SMOC2: variants seen among roughly 807,000 people sequenced by gnomAD.
SMOC2 encodes the protein SPARC-related modular calcium-binding protein 2.
Under a neutral mutation model 61.4 loss-of-function variants are expected in SMOC2, and 39 were observed. The observed-to-expected ratio is 0.64, with a 90% CI of 0.49 to 0.83. The LOEUF is 0.83. Among genes scored for constraint, SMOC2 ranks in the 40% least tolerant of loss-of-function variants. SMOC2 has a pLI of 0.00. For missense variants in SMOC2, 556 were observed against 592.9 expected, an observed-to-expected ratio of 0.94 and a Z score of 0.65; for synonymous variants, 247 against 239.9, an observed-to-expected ratio of 1.03 and a Z score of -0.27.
chr6:168,662,001 C>T (rs1787520560), intron 11 of SMOC2, among the ~76,000 whole-genome samples: 1 of 152,218 alleles, frequency 6.6e-6, no homozygotes, highest in Admixed American at 6.5e-5. Context: ...TTTTCATACT[C>T]TGTTTCTATT....
intron 2 of SMOC2, among the ~76,000 whole-genome samples, chr6:168,518,799 TTGTG>T (rs375350594): frequency 1.8e-4 from 27 of 147,178 alleles, no homozygotes; most frequent in Middle Eastern, 7.4e-3. Context: ...ATGTATGTGC[TTGTG>T]TGTGAATGCA....
intron 1 of SMOC2, among the ~76,000 whole-genome samples, chr6:168,489,499 T>C (rs1350071933): frequency 6.6e-6 from 1 of 151,570 alleles, no homozygotes; most frequent in East Asian, 2.0e-4. Context: ...GAATGAAATA[T>C]ATCAAATCGT....
chr6:168,624,570 A>G (rs1191931863), intron 9 of SMOC2, among the ~76,000 whole-genome samples: 1 of 136,098 alleles, frequency 7.3e-6, no homozygotes, highest in Non-Finnish European at 1.6e-5. Context: ...TGACATACAG[A>G]AACACACACA....
chr6:168,463,878 T>C (rs1781767422), intron 1 of SMOC2, among the ~76,000 whole-genome samples: 1 of 152,088 alleles, frequency 6.6e-6, no homozygotes, highest in African/African-American at 2.4e-5. Flanking sequence ...TTCTCCCTTA[T>C]ATCACATTTT....
intron 7 of SMOC2, among the ~76,000 whole-genome samples, chr6:168,586,139 C>G (rs950373266): frequency 1.3e-5 from 2 of 152,092 alleles, no homozygotes. Flanking sequence ...GTTTAGATCT[C>G]TAATTTATCT....
At chr6:168,613,385 CT>C (rs1266320250) in intron 9 of SMOC2, among the ~76,000 whole-genome samples, 2 of 152,134 alleles carry the variant, frequency 1.3e-5, no homozygotes, top group Non-Finnish European at 2.9e-5. Context: ...TGAGGAGCCC[CT>C]TGGGGAGCCT....
rs191039248 is a variant in SMOC2, at chr6:168,497,708, A to C, written c.85-12207A>C. 2.4e-4 allele frequency among the ~76,000 whole-genome samples: 36 copies of C among 152,328 alleles called. No individual in the cohort carries two copies. In the East Asian group the frequency reaches 6.6e-3, roughly 28 times the overall value. On this transcript the variant is annotated intron_variant, in intron 1 of 12. Transcript: ENST00000356284. ...ACCTGGCTCAGATGAAGTGAGAGACAAACTCGGTTTTCGGGTTATTCAATC... is the reference window on the plus strand; with the variant it reads ...ACCTGGCTCAGATGAAGTGAGAGACCAACTCGGTTTTCGGGTTATTCAATC...
At chr6:168,642,552 G>A (rs6907182) in intron 9 of SMOC2, among the ~76,000 whole-genome samples, 125 of 152,300 alleles carry the variant, frequency 8.2e-4, no homozygotes, top group African/African-American at 3.0e-3. Flanking sequence ...GTTAAAGCGC[G>A]TACCTGTCGT....
chr6:168,527,844 T>A, intron 4 of SMOC2, 117 bp downstream of exon 4: 1 of 728,760 alleles, frequency 1.4e-6, no homozygotes, highest in Non-Finnish European at 2.4e-6. Context: ...TTGGCCGGCA[T>A]TGTGAGCCAC....
intron 9 of SMOC2, among the ~76,000 whole-genome samples, chr6:168,613,724 C>T (rs879124649): frequency 1.3e-3 from 156 of 119,862 alleles, no homozygotes; most frequent in South Asian, 2.6e-3. Flanking sequence ...GGCCTCTTCA[C>T]ACCTACAGCC....
chr6:168,549,072 G>A, intron 6 of SMOC2, 57 bp from the exon 7 acceptor site: 1 of 1,422,894 alleles, frequency 7.0e-7, no homozygotes, highest in Non-Finnish European at 9.9e-7. Flanking sequence ...CGTAACTAAG[G>A]AACATTGTGC....
At chr6:168,603,813 G>C (rs1171045016) in intron 8 of SMOC2, among the ~76,000 whole-genome samples, 2 of 152,206 alleles carry the variant, frequency 1.3e-5, no homozygotes, top group African/African-American at 4.8e-5. Context: ...TCAGAGTCAA[G>C]ACCTCAAGAA....
chr6:168,636,426 C>T (rs572803781), intron 9 of SMOC2, among the ~76,000 whole-genome samples: 130 of 152,318 alleles, frequency 8.5e-4, no homozygotes, highest in African/African-American at 3.0e-3. Flanking sequence ...CACTTTATTT[C>T]CTGATAATAT....
At chr6:168,483,198 CACACACAA>C (rs1332406466) in intron 1 of SMOC2, among the ~76,000 whole-genome samples, 1 of 151,974 alleles carries the variant, frequency 6.6e-6, no homozygotes, top group Non-Finnish European at 1.5e-5. Context: ...CATACACACA[CACACACAA>C]AAAAACTTGT....
chr6:168,662,328 G>A (rs1355875524), intron 11 of SMOC2, among the ~76,000 whole-genome samples: 2 of 152,214 alleles, frequency 1.3e-5, no homozygotes, highest in African/African-American at 2.4e-5. Context: ...AAGGTCAGGA[G>A]GGCTGGAACG....
At chr6:168,577,029 T>C (rs1406056030) in intron 7 of SMOC2, among the ~76,000 whole-genome samples, 3 of 150,960 alleles carry the variant, frequency 2.0e-5, no homozygotes. Flanking sequence ...ACACTTGCTG[T>C]TTTGAAATGG....
intron 8 of SMOC2, among the ~76,000 whole-genome samples, chr6:168,605,212 A>G (rs963445226): frequency 1.3e-5 from 2 of 152,084 alleles, no homozygotes; most frequent in African/African-American, 2.4e-5. Context: ...CCTACCTCAC[A>G]TCTGGGCAGC....
intron 1 of SMOC2, among the ~76,000 whole-genome samples, chr6:168,470,092 C>T (rs146245532): frequency 2.0e-5 from 3 of 152,302 alleles, no homozygotes; most frequent in African/African-American, 7.2e-5. Context: ...GATAAAAGTG[C>T]GATTTGGATC....
chr6:168,599,083 TC>T (rs766601152), intron 8 of SMOC2, 79 bp downstream of exon 8: 97 of 1,303,364 alleles, frequency 7.4e-5, no homozygotes, highest in Non-Finnish European at 1.0e-4. Flanking sequence ...AACCCCCACT[TC>T]CCCCAACACA....
Sources: gnomAD v4.1 joint callset for allele counts (sites outside exome capture counted in the v4.1 genomes callset) on GRCh38, gnomAD v4.1.1 for gene constraint, MANE v1.5 for transcripts, NCBI Gene and HGNC (gene_info 2026-07-23, HGNC 2026-07-21) for gene names.